The following SPATA13 variants were observed in gnomAD, a reference collection of about 807,000 sequenced individuals.
The protein encoded by SPATA13 is spermatogenesis associated 13, also known as spermatogenesis-associated protein 13.
In SPATA13, 50 loss-of-function variants were observed where a neutral mutation model predicts 104.0. The ratio of observed to expected loss-of-function variants is 0.48; its 90% CI spans 0.38 to 0.61. SPATA13 has a LOEUF of 0.61. Among genes scored for constraint, SPATA13 ranks in the 20% least tolerant of loss-of-function variants. The pLI is 0.00. For synonymous variants in SPATA13, 606 were observed against 667.5 expected, an observed-to-expected ratio of 0.91 and a Z score of 1.42; for missense variants, 1,524 against 1,690.6, an observed-to-expected ratio of 0.90 and a Z score of 1.73.
chr13:24,111,587 G>A (rs113350811), intron 3 of SPATA13, among the ~76,000 whole-genome samples: 4,239 of 152,202 alleles, frequency 0.028, 182 homozygotes, highest in African/African-American at 0.096. Flanking sequence ...TGTATTTTTT[G>A]TAGAGATGGG....
chr13:24,001,321 G>A (rs1266282284), intron 2 of SPATA13, among the ~76,000 whole-genome samples: 1 of 152,148 alleles, frequency 6.6e-6, no homozygotes, highest in East Asian at 1.9e-4. Flanking sequence ...TCAGGATGCC[G>A]GGGATAATGT....
intron 8 of SPATA13, among the ~76,000 whole-genome samples, chr13:24,290,371 G>A (rs563977483): frequency 6.6e-6 from 1 of 152,288 alleles, no homozygotes; most frequent in Admixed American, 6.5e-5. Flanking sequence ...ATGAGCGTGA[G>A]GCAGGCTAGA....
In SPATA13 at chr13:24,266,579, C is replaced by A. The variant is rs76984587; in HGVS notation, c.2164+14717C>A. ...GGATCAAGGCATGAGCCACCACACA[C>A]AATCTTCAGTGTTTATTTTGTCCTC... On this transcript the variant is annotated intron_variant, in intron 4 of 12. Transcript: ENST00000382108. Among the ~76,000 whole-genome samples the A allele has an allele frequency of 3.4e-4, 52 of 152,274 alleles. No individual in the cohort carries two copies. In the East Asian group the frequency reaches 9.5e-3, roughly 28 times the overall value.
chr13:24,171,980 C>T (rs1036353893), intron 1 of SPATA13, among the ~76,000 whole-genome samples: 6 of 152,054 alleles, frequency 3.9e-5, no homozygotes, highest in Admixed American at 2.0e-4. Context: ...TCAGATTCTC[C>T]GAATGATGAC....
At chr13:24,252,634 A>G (rs1168711379) in intron 4 of SPATA13, 1 of 152,240 alleles carries the variant, frequency 6.6e-6, no homozygotes, top group Non-Finnish European at 1.5e-5. Flanking sequence ...GTACCTGTGT[A>G]CACACAGCCT....
chr13:24,077,979 G>T, intron 3 of SPATA13, among the ~76,000 whole-genome samples: 1 of 152,100 alleles, frequency 6.6e-6, no homozygotes. Flanking sequence ...GACCTTCAAG[G>T]CTTGGCCTGC....
intron 1 of SPATA13, among the ~76,000 whole-genome samples, chr13:24,162,879 G>A (rs1211235414): frequency 6.6e-6 from 1 of 152,188 alleles, no homozygotes; most frequent in Admixed American, 6.5e-5. Flanking sequence ...AGGCATGCCT[G>A]GAGTTTAGCT....
At chr13:24,055,447 C>T (rs933283363) in intron 3 of SPATA13, among the ~76,000 whole-genome samples, 2 of 152,182 alleles carry the variant, frequency 1.3e-5, no homozygotes, top group East Asian at 3.8e-4. Flanking sequence ...GTAACAGGAC[C>T]TACCTTACTG....
intron 3 of SPATA13, among the ~76,000 whole-genome samples, chr13:24,104,614 A>AG (rs1432731605): frequency 6.6e-6 from 1 of 152,204 alleles, no homozygotes; most frequent in East Asian, 1.9e-4. Context: ...TGACAATGAG[A>AG]GGGGCATGTG....
At chr13:24,157,522 G>A (rs185809083), upstream of SPATA13, among the ~76,000 whole-genome samples, 959 of 152,184 alleles carry the variant, frequency 6.3e-3, 7 homozygotes, top group Non-Finnish European at 1.0e-2. Flanking sequence ...GGATGGTCTC[G>A]ATCTCCTGAC....
intron 2 of SPATA13, among the ~76,000 whole-genome samples, chr13:24,003,442 A>G (rs1876074422): frequency 6.6e-6 from 1 of 152,228 alleles, no homozygotes. Context: ...GCATGTCTTC[A>G]TGAGGAACCT....
intron 1 of SPATA13, among the ~76,000 whole-genome samples, chr13:24,196,101 A>T (rs1870040353): frequency 6.6e-6 from 1 of 152,186 alleles, no homozygotes; most frequent in Non-Finnish European, 1.5e-5. Flanking sequence ...GCAGCAATTA[A>T]CTTACTGCAG....
At position 24,037,963 on chromosome 13, in the gene SPATA13, T is replaced by G. The variant is rs529221984; in HGVS notation, c.-112+20262T>G. Among the ~76,000 whole-genome samples, 418 of 152,038 alleles carry G rather than the reference T, an allele frequency of 2.7e-3. 4 individuals carry two copies. Among genetic ancestry groups the G allele is most frequent in the Admixed American group, 9.0e-3 (138 of 15,272 alleles). Reference sequence around the variant, plus strand: ...GTCTCGCTCTGTCACCCAGGCTGCATTGCAGTGGCACAATCTTGGCTCACT... The same window carrying G: ...GTCTCGCTCTGTCACCCAGGCTGCAGTGCAGTGGCACAATCTTGGCTCACT... On this transcript the variant is annotated intron_variant, in intron 3 of 14. Coordinates refer to the SPATA13 transcript ENST00000424834.
At chr13:24,201,955 T>C (rs1870431629) in intron 1 of SPATA13, among the ~76,000 whole-genome samples, 1 of 152,186 alleles carries the variant, frequency 6.6e-6, no homozygotes, top group Non-Finnish European at 1.5e-5. Flanking sequence ...TCATGTAGTA[T>C]GCAGCCTCCT....
intron 3 of SPATA13, among the ~76,000 whole-genome samples, chr13:24,019,705 G>A (rs1036452500): frequency 4.6e-5 from 7 of 151,912 alleles, no homozygotes; most frequent in African/African-American, 1.7e-4. Flanking sequence ...AAATAAAATA[G>A]GACTGCTAAA....
rs1263138115 is a variant in SPATA13, at chr13:24,201,021, A to G, written c.-111-21798A>G. 3.6e-5 allele frequency among the ~76,000 whole-genome samples: 5 copies of G among 140,702 alleles called. 1 individual carries two copies. In the Admixed American group the frequency reaches 3.6e-4, roughly 10 times the overall value. 92.3% of individuals were successfully genotyped at this position (140,702 alleles called of 152,430 possible). A position where few individuals can be genotyped will look rare whatever the true frequency, so the allele number is the denominator to read the frequency against. ...GCACGCTCATGTGAATTTTAAATTC[A>G]GCTAGTCAGTCACACACACACACAC... On this transcript the variant is annotated intron_variant, in intron 1 of 12. Transcript: ENST00000382108.
chr13:24,097,374 A>G (rs1263037166), intron 3 of SPATA13, among the ~76,000 whole-genome samples: 1 of 152,112 alleles, frequency 6.6e-6, no homozygotes, highest in Non-Finnish European at 1.5e-5. Flanking sequence ...AGCCTGGTCT[A>G]CTCACTCCAG....
chr13:24,226,990 C>G (rs1209071290), intron 2 of SPATA13, among the ~76,000 whole-genome samples: 1 of 152,146 alleles, frequency 6.6e-6, no homozygotes, highest in African/African-American at 2.4e-5. Context: ...TATTGAGAAC[C>G]GTCTGCTCAT....
At chr13:24,174,149 C>T (rs1883115090) in intron 1 of SPATA13, among the ~76,000 whole-genome samples, 1 of 152,110 alleles carries the variant, frequency 6.6e-6, no homozygotes, top group African/African-American at 2.4e-5. Context: ...TGGTTAAGGG[C>T]TGTTGAAGTT....
Sources: allele counts gnomAD v4.1 joint callset (sites outside exome capture counted in the v4.1 genomes callset), GRCh38; gene constraint gnomAD v4.1.1; transcripts MANE v1.5; gene names NCBI Gene and HGNC (gene_info 2026-07-23, HGNC 2026-07-21).